Variants in DNAJB1 observed in about 807,000 individuals in gnomAD.
The protein encoded by DNAJB1 is dnaJ homolog subfamily B member 1.
Under a neutral mutation model 24.0 loss-of-function variants are expected in DNAJB1, and 14 were observed. That is an observed-to-expected ratio of 0.58 (90% CI 0.39 to 0.91). The LOEUF (loss-of-function observed/expected upper bound fraction) is 0.91, where lower values mean the gene tolerates loss of function less well. Ranked by LOEUF, DNAJB1 falls within the 40% of genes least tolerant of loss-of-function variation. The probability of loss-of-function intolerance (pLI) is 0.00; values close to 1 mark genes in which losing one functional copy is unlikely to be tolerated. For missense variants in DNAJB1, 517 were observed against 458.1 expected, an observed-to-expected ratio of 1.13 and a Z score of -1.17; for synonymous variants, 262 against 174.4, an observed-to-expected ratio of 1.50 and a Z score of -3.96.
At chr19:14,516,359 A>C in intron 2 of DNAJB1, 107 bp downstream of exon 2, 1 of 1,350,912 alleles carries the variant, frequency 7.4e-7, no homozygotes, top group Non-Finnish European at 1.0e-6. Context: ...GTTGTGCCCC[A>C]AGCCTGGCAC....
At chr19:14,518,729 G>C (rs537886972), upstream of DNAJB1, among the ~76,000 whole-genome samples, 6 of 152,214 alleles carry the variant, frequency 3.9e-5, no homozygotes, top group Non-Finnish European at 7.3e-5. Flanking sequence ...CCCTCCGCCT[G>C]GGTCAGTAGG....
chr19:14,541,239 A>G (rs1033050573), intron 1 of DNAJB1, among the ~76,000 whole-genome samples: 9 of 151,956 alleles, frequency 5.9e-5, no homozygotes, highest in African/African-American at 2.2e-4. Context: ...AGCCTCCCAA[A>G]GCTCTGGGAT....
Position 14,516,646 on chromosome 19 carries a change from C to T in DNAJB1, c.612G>A (p.Leu204=), listed in dbSNP as rs2072268210. The T allele has an allele frequency of 1.2e-6, 2 of 1,614,106 alleles. No homozygotes were observed. The highest frequency in any genetic ancestry group is 1.7e-4 in the Middle Eastern group (1 of 6,044). The change falls in exon 2 of 3, where the codon TTG becomes TTA. Residue 204 remains leucine, a synonymous_variant. Coordinates refer to ENST00000254322, the MANE Select transcript of DNAJB1 (RefSeq NM_006145.3). ...TCCACCCCTTCTTCACTTCGATGGTCAATATTTTGTCTTCGTTTCGAATGC... is the reference window on the plus strand; with the variant it reads ...TCCACCCCTTCTTCACTTCGATGGTTAATATTTTGTCTTCGTTTCGAATGC... ...GKSIRNEDKI[L]TIEVKKGWKE...
intron 2 of DNAJB1, among the ~76,000 whole-genome samples, chr19:14,527,165 CTTTTTTTTTTTTTTTTT>C (rs369143149): frequency 2.2e-4 from 9 of 41,306 alleles, no homozygotes; most frequent in South Asian, 1.3e-3. Context: ...AATATCTCTG[CTTTTTTTTTTTTTTTTT>C]TTTTTTTTTT....
At position 14,528,606 on chromosome 19, in the gene DNAJB1, C is replaced by A. The variant is rs2072492899; in HGVS notation, c.-175+604G>T. Among the ~76,000 whole-genome samples the A allele has an allele frequency of 3.3e-5, 5 of 152,174 alleles. No individual in the cohort carries two copies. In the South Asian group the frequency reaches 1.0e-3, roughly 32 times the overall value. On this transcript the variant is annotated intron_variant, in intron 1 of 3. Coordinates refer to the DNAJB1 transcript ENST00000396969. ...ACTAGACACGATTCTGGACGTCAGG[C>A]AGAGACCAATGTAGTTCCCCTGTCC...
chr19:14,538,949 T>C lies in DNAJB1; in HGVS notation c.-213-11139A>G, dbSNP rs145298218. 5.6e-4 allele frequency among the ~76,000 whole-genome samples: 84 copies of C among 151,180 alleles called. No homozygotes were observed. In the East Asian group the frequency reaches 0.016, roughly 28 times the overall value. ...CCAGATGCCAGTGCCTCAGTTTTGATATAATGTCACACACCATGCAAGTCA... is the reference window on the plus strand; with the variant it reads ...CCAGATGCCAGTGCCTCAGTTTTGACATAATGTCACACACCATGCAAGTCA... On this transcript the variant is annotated intron_variant, in intron 1 of 3. Coordinates refer to the DNAJB1 transcript ENST00000676982.
chr19:14,521,537 C>A (rs142646402), upstream of DNAJB1, among the ~76,000 whole-genome samples: 2 of 151,932 alleles, frequency 1.3e-5, no homozygotes, highest in African/African-American at 4.8e-5. Flanking sequence ...AAAAACACTG[C>A]GGAAGGGATG....
chr19:14,544,801 T>C (rs544486102), intron 1 of DNAJB1, among the ~76,000 whole-genome samples: 3 of 152,140 alleles, frequency 2.0e-5, no homozygotes, highest in South Asian at 2.1e-4. Context: ...CCCGGCTAAT[T>C]TGAAAATTTT....
chr19:14,545,171 TTGC>T (rs1228617506), intron 1 of DNAJB1: 3 of 456,632 alleles, frequency 6.6e-6, no homozygotes, highest in Non-Finnish European at 1.3e-5. Flanking sequence ...CGATTCCTCA[TTGC>T]TCAAGGGTAA....
upstream of DNAJB1, among the ~76,000 whole-genome samples, chr19:14,520,870 G>A (rs984296320): frequency 1.3e-5 from 2 of 151,928 alleles, no homozygotes; most frequent in South Asian, 4.1e-4. Context: ...ATGTGAGCCT[G>A]TAGTCCCAGC....
intron 2 of DNAJB1, among the ~76,000 whole-genome samples, chr19:14,526,092 G>A (rs1482527041): frequency 6.6e-6 from 1 of 152,206 alleles, no homozygotes; most frequent in African/African-American, 2.4e-5. Context: ...CACATCTCTG[G>A]CATTCAAATG....
upstream of DNAJB1, among the ~76,000 whole-genome samples, chr19:14,534,656 C>T (rs748770273): frequency 3.3e-5 from 5 of 152,108 alleles, no homozygotes; most frequent in African/African-American, 4.8e-5. Context: ...AGGCTGGTCT[C>T]GAACTCCTGG....
upstream of DNAJB1, among the ~76,000 whole-genome samples, chr19:14,534,570 T>TTA (rs1446704784): frequency 1.3e-5 from 2 of 150,240 alleles, no homozygotes; most frequent in Admixed American, 1.3e-4. Flanking sequence ...CAAGTAGCTG[T>TTA]TATTACAGGT....
chr19:14,534,015 A>G (rs1212256653), upstream of DNAJB1: 1 of 152,134 alleles, frequency 6.6e-6, no homozygotes, highest in Non-Finnish European at 1.5e-5. Flanking sequence ...TTCCTGAGAA[A>G]ATCAGTCTGT....
chr19:14,549,942 CA>C (rs908988580), intron 1 of DNAJB1, among the ~76,000 whole-genome samples: 223 of 144,380 alleles, frequency 1.5e-3, no homozygotes, highest in African/African-American at 4.1e-3. Flanking sequence ...GACTCTGTCT[CA>C]AAAAAAAAAA....
chr19:14,533,669 T>A (rs751370000), upstream of DNAJB1, among the ~76,000 whole-genome samples: 14 of 150,916 alleles, frequency 9.3e-5, no homozygotes, highest in Non-Finnish European at 2.1e-4. Flanking sequence ...GATCGGTGGC[T>A]GTTTCCATAG....
At chr19:14,528,040 C>T (rs2072469024) in intron 1 of DNAJB1, among the ~76,000 whole-genome samples, 2 of 151,002 alleles carry the variant, frequency 1.3e-5, no homozygotes, top group Non-Finnish European at 2.9e-5. Flanking sequence ...CCCACCATTA[C>T]ACCTGGCTAA....
intron 1 of DNAJB1, among the ~76,000 whole-genome samples, chr19:14,546,694 TC>T (rs2073318717): frequency 6.6e-6 from 1 of 152,208 alleles, no homozygotes; most frequent in South Asian, 2.1e-4. Context: ...TTTTTTCTTT[TC>T]TTTTTTTAAG....
intron 1 of DNAJB1, among the ~76,000 whole-genome samples, chr19:14,555,734 C>T (rs886872446): frequency 6.6e-6 from 1 of 152,140 alleles, no homozygotes. Context: ...AGTCACCATG[C>T]GTGGACACAG....
Sources: gnomAD v4.1 joint callset for allele counts (sites outside exome capture counted in the v4.1 genomes callset) on GRCh38, gnomAD v4.1.1 for gene constraint, MANE v1.5 for transcripts, NCBI Gene and HGNC (gene_info 2026-07-23, HGNC 2026-07-21) for gene names.